CALN1: variants seen among roughly 807,000 people sequenced by gnomAD.
CALN1 encodes calneuron 1.
Under a neutral mutation model 30.6 loss-of-function variants are expected in CALN1, and 17 were observed. That is an observed-to-expected ratio of 0.56 (90% confidence interval 0.38 to 0.83). CALN1 has a LOEUF of 0.83. Among genes scored for constraint, CALN1 ranks in the 40% least tolerant of loss-of-function variants. CALN1 has a pLI of 0.00. For synonymous variants in CALN1, 156 were observed against 131.4 expected, an observed-to-expected ratio of 1.19 and a Z score of -1.28; for missense variants, 291 against 354.9, an observed-to-expected ratio of 0.82 and a Z score of 1.45.
intron 5 of CALN1, among the ~76,000 whole-genome samples, chr7:71,877,872 G>A (rs888658073): frequency 2.6e-5 from 4 of 152,172 alleles, no homozygotes; most frequent in Non-Finnish European, 4.4e-5. Context: ...TTGATTTTAT[G>A]ACAGTCAATA....
At chr7:72,120,308 A>G (rs1347431409) in intron 3 of CALN1, among the ~76,000 whole-genome samples, 4 of 152,156 alleles carry the variant, frequency 2.6e-5, no homozygotes, top group Admixed American at 6.6e-5. Flanking sequence ...TGCTCTCTAT[A>G]TAGCTTTATA....
chr7:72,170,380 T>G lies in CALN1; in HGVS notation c.245-64086A>C, dbSNP rs74633430. Among the ~76,000 whole-genome samples the G allele has an allele frequency of 9.4e-4, 143 of 152,328 alleles. 2 individuals are homozygous for G. In the East Asian group the frequency reaches 0.025, roughly 27 times the overall value. ...ACTTTAGAAAGCATTTCCTATTCAT[T>G]TTTAGCAATCACCATTCAGTCTTCG... On this transcript the variant is annotated intron_variant, in intron 3 of 6. Coordinates refer to ENST00000395275, the MANE Select transcript of CALN1 (RefSeq NM_031468.4).
chr7:72,503,891 G>T, the CALN1 span, among the ~76,000 whole-genome samples: 2 of 152,108 alleles, frequency 1.3e-5, no homozygotes, highest in Admixed American at 6.6e-5. Flanking sequence ...GAATGCCTTG[G>T]TTTTTTAATG....
intron 4 of CALN1, among the ~76,000 whole-genome samples, chr7:72,075,649 T>C (rs1804679399): frequency 6.6e-6 from 1 of 152,138 alleles, no homozygotes; most frequent in African/African-American, 2.4e-5. Flanking sequence ...TGGGTGACAA[T>C]GCTCAAGCCC....
intron 3 of CALN1, among the ~76,000 whole-genome samples, chr7:72,271,551 T>C (rs1309941670): frequency 2.7e-5 from 2 of 74,040 alleles, no homozygotes; most frequent in Non-Finnish European, 4.5e-5. Context: ...CATGAACCAC[T>C]GTGCCTGCCT....
chr7:72,403,663 T>C (rs868865387), intron 1 of CALN1, among the ~76,000 whole-genome samples: 1 of 152,246 alleles, frequency 6.6e-6, no homozygotes, highest in Non-Finnish European at 1.5e-5. Flanking sequence ...AAGCCAATAA[T>C]GGGCTTTTGG....
At chr7:72,130,498 A>G (rs925775290) in intron 3 of CALN1, among the ~76,000 whole-genome samples, 15 of 152,142 alleles carry the variant, frequency 9.9e-5, no homozygotes, top group African/African-American at 3.6e-4. Context: ...GTGCTTGTAA[A>G]TATTAGGTTG....
At chr7:71,794,659 CA>C (rs1786783626) in intron 6 of CALN1, among the ~76,000 whole-genome samples, 1 of 152,214 alleles carries the variant, frequency 6.6e-6, no homozygotes, top group South Asian at 2.1e-4. Context: ...CAGAGAAATA[CA>C]AAATTTCATT....
At chr7:72,161,761 T>C (rs1456261076) in intron 3 of CALN1, among the ~76,000 whole-genome samples, 1 of 151,472 alleles carries the variant, frequency 6.6e-6, no homozygotes, top group Non-Finnish European at 1.5e-5. Flanking sequence ...CACGGGGGCC[T>C]GTAGGGGGCA....
intron 5 of CALN1, among the ~76,000 whole-genome samples, chr7:71,831,893 A>AC (rs1789306054): frequency 1.3e-5 from 2 of 150,204 alleles, no homozygotes; most frequent in Non-Finnish European, 3.0e-5. Flanking sequence ...AAAAAAAAAA[A>AC]AAAACAAACC....
At chr7:72,068,625 T>A (rs1804186038) in intron 4 of CALN1, among the ~76,000 whole-genome samples, 1 of 152,156 alleles carries the variant, frequency 6.6e-6, no homozygotes, top group African/African-American at 2.4e-5. Flanking sequence ...GTAGCTAGGA[T>A]AACAGACGCC....
intron 1 of CALN1, among the ~76,000 whole-genome samples, chr7:72,432,556 T>A (rs1406010921): frequency 5.9e-5 from 9 of 152,216 alleles, no homozygotes; most frequent in Non-Finnish European, 1.3e-4. Context: ...GGCCACCCCA[T>A]GAATTTTGTC....
chr7:71,937,100 T>C (rs950677296), intron 5 of CALN1, among the ~76,000 whole-genome samples: 10 of 152,178 alleles, frequency 6.6e-5, no homozygotes, highest in Non-Finnish European at 1.0e-4. Flanking sequence ...TTTAAATATC[T>C]ATCTTTCTAA....
intron 3 of CALN1, among the ~76,000 whole-genome samples, chr7:72,178,115 G>GA (rs1164973838): frequency 1.3e-5 from 2 of 152,142 alleles, no homozygotes; most frequent in Non-Finnish European, 2.9e-5. Flanking sequence ...AAAAATGGGG[G>GA]AAAAAATTTG....
intron 3 of CALN1, among the ~76,000 whole-genome samples, chr7:72,223,092 A>C (rs1301754277): frequency 1.3e-5 from 2 of 152,168 alleles, no homozygotes; most frequent in African/African-American, 4.8e-5. Context: ...CTGTTAAAGC[A>C]GTTGGCACTG....
At chr7:72,499,845 CTTTCTTTCTT>C in the CALN1 span, among the ~76,000 whole-genome samples, 5 of 28,034 alleles carry the variant, frequency 1.8e-4, no homozygotes, top group Admixed American at 4.0e-4. Context: ...TTCTTTCTTT[CTTTCTTTCTT>C]TCTTTCTTTC....
chr7:72,425,686 A>T (rs914510688), intron 1 of CALN1, among the ~76,000 whole-genome samples: 2 of 152,108 alleles, frequency 1.3e-5, no homozygotes, highest in African/African-American at 2.4e-5. Context: ...TTACCATCTC[A>T]TCTGAGTCTC....
chr7:71,992,905 T>G (rs994607300), intron 5 of CALN1, among the ~76,000 whole-genome samples: 1 of 152,242 alleles, frequency 6.6e-6, no homozygotes, highest in Admixed American at 6.5e-5. Context: ...CTTCTCTTGC[T>G]GCTAAGAGTA....
intron 5 of CALN1, among the ~76,000 whole-genome samples, chr7:72,010,254 AT>A (rs1248351388): frequency 1.3e-5 from 2 of 152,178 alleles, no homozygotes; most frequent in Non-Finnish European, 2.9e-5. Flanking sequence ...TAATCCCCTT[AT>A]CCCAAGGGAT....
Sources: allele counts gnomAD v4.1 joint callset (sites outside exome capture counted in the v4.1 genomes callset), GRCh38; gene constraint gnomAD v4.1.1; transcripts MANE v1.5; gene names NCBI Gene and HGNC (gene_info 2026-07-23, HGNC 2026-07-21).